The following NWD1 variants were observed in gnomAD, a reference collection of about 807,000 sequenced individuals.
NWD1 encodes NACHT and WD repeat domain containing 1.
NWD1 carries 129 observed loss-of-function variants against 135.1 expected under a neutral mutation model. That is an observed-to-expected ratio of 0.96 (90% CI 0.83 to 1.11). The LOEUF (loss-of-function observed/expected upper bound fraction) is 1.11, where lower values mean the gene tolerates loss of function less well. Ranked by LOEUF, NWD1 falls within the 50% of genes least tolerant of loss-of-function variation. NWD1 has a pLI of 0.00. For missense variants in NWD1, 1,740 were observed against 1,851.3 expected, an observed-to-expected ratio of 0.94 and a Z score of 1.10; for synonymous variants, 773 against 786.0, an observed-to-expected ratio of 0.98 and a Z score of 0.28.
intron 6 of NWD1, among the ~76,000 whole-genome samples, chr19:16,755,229 G>C (rs936921304): frequency 2.0e-5 from 3 of 150,286 alleles, no homozygotes; most frequent in Non-Finnish European, 4.4e-5. Flanking sequence ...CTCTTTTTTG[G>C]GGGGGGACAG....
chr19:16,781,022 G>T (rs1308509382), intron 12 of NWD1, among the ~76,000 whole-genome samples: 1 of 152,128 alleles, frequency 6.6e-6, no homozygotes, highest in Non-Finnish European at 1.5e-5. Context: ...GATCAGTAAG[G>T]GTAAAGAATT....
chr19:16,734,278 G>A (rs995864260), intron 3 of NWD1, among the ~76,000 whole-genome samples: 1 of 152,120 alleles, frequency 6.6e-6, no homozygotes, highest in Non-Finnish European at 1.5e-5. Context: ...TCAGGGCGAG[G>A]TGGCTCATGC....
intron 9 of NWD1, 85 bp downstream of exon 9, chr19:16,764,030 C>A: frequency 2.4e-6 from 2 of 829,026 alleles, no homozygotes; most frequent in Non-Finnish European, 2.0e-6. Context: ...GGGTGAAGGG[C>A]AAACATGGAA....
At chr19:16,809,287 T>C (rs1450252481) in intron 18 of NWD1, among the ~76,000 whole-genome samples, 1 of 151,972 alleles carries the variant, frequency 6.6e-6, no homozygotes, top group East Asian at 1.9e-4. Flanking sequence ...TTTTGCCATG[T>C]TGTCCAGGCT....
At chr19:16,764,049 T>C in intron 9 of NWD1, 104 bp downstream of exon 9, 1 of 718,672 alleles carries the variant, frequency 1.4e-6, no homozygotes, top group Non-Finnish European at 2.5e-6. Context: ...AAATCCTTCG[T>C]TCCTCCTAAG....
intron 8 of NWD1, among the ~76,000 whole-genome samples, chr19:16,762,783 C>T (rs1382201112): frequency 6.6e-6 from 1 of 150,558 alleles, no homozygotes; most frequent in Non-Finnish European, 1.5e-5. Context: ...CCCTCCCTCG[C>T]TTCCTTCCTT....
At chr19:16,784,932 CA>C (rs922809485) in intron 12 of NWD1, among the ~76,000 whole-genome samples, 219 of 135,438 alleles carry the variant, frequency 1.6e-3, no homozygotes, top group African/African-American at 4.6e-3. Flanking sequence ...ACTCCGTCTC[CA>C]AAAAAAAAAA....
intron 3 of NWD1, among the ~76,000 whole-genome samples, chr19:16,732,033 A>G (rs1339815593): frequency 6.6e-6 from 1 of 151,858 alleles, no homozygotes; most frequent in Admixed American, 6.6e-5. Flanking sequence ...CCTAGGCAAC[A>G]TGATGAAACT....
intron 17 of NWD1, among the ~76,000 whole-genome samples, chr19:16,802,722 C>T (rs896693364): frequency 8.5e-5 from 13 of 152,096 alleles, no homozygotes; most frequent in East Asian, 1.9e-4. Context: ...TACCTGAGGC[C>T]GGGCCTGCTG....
At chr19:16,764,968 C>A in intron 9 of NWD1, 66 bp from the exon 10 acceptor site, 1 of 1,541,348 alleles carries the variant, frequency 6.5e-7, no homozygotes, top group Non-Finnish European at 8.9e-7. Flanking sequence ...AGATGATTCT[C>A]CACCTCCCAG....
rs1568339424 is a variant in NWD1, at chr19:16,738,003, A to AAGAAAAGAAAAG, written c.198+1263_198+1264insAGAGAAAAGAAA. On this transcript the variant is annotated intron_variant, in intron 4 of 18. Coordinates refer to ENST00000524140, the MANE Select transcript of NWD1 (RefSeq NM_001007525.5). Reference sequence around the variant, plus strand: ...AAGAAAAGAAAAGAAAAGAAAAGAAAAGAAAAGAAATTCTAGAGCAGAGGC... The same window carrying AAGAAAAGAAAAG: ...AAGAAAAGAAAAGAAAAGAAAAGAAAAGAAAAGAAAAGAGAAAAGAAATTCTAGAGCAGAGGC... Among the ~76,000 whole-genome samples, 11 of 138,062 alleles carry AAGAAAAGAAAAG rather than the reference A, an allele frequency of 8.0e-5. 1 individual carries two copies. Among genetic ancestry groups the AAGAAAAGAAAAG allele is most frequent in the African/African-American group, 1.4e-4 (5 of 36,612 alleles). The allele number at this position is 138,062 out of a possible 152,430, so 90.6% of individuals were successfully genotyped here.
At chr19:16,734,428 C>T (rs920039184) in intron 3 of NWD1, among the ~76,000 whole-genome samples, 4 of 151,080 alleles carry the variant, frequency 2.6e-5, no homozygotes, top group Non-Finnish European at 4.4e-5. Context: ...CCAGCTACTC[C>T]GGAGGCTGAG....
At position 16,755,973 on chromosome 19, in the gene NWD1, T is replaced by A. The variant is rs1009516961; in HGVS notation, c.1770-3252T>A. Among the ~76,000 whole-genome samples the A allele has an allele frequency of 2.6e-5, 4 of 152,188 alleles. No homozygotes were observed. The East Asian group carries it at 7.7e-4, about 29-fold the overall frequency. ...AACTTAAATACTAATAGCCTACTGTTGACCAGAAGCCTTACCAGTAACATA... is the reference window on the plus strand; with the variant it reads ...AACTTAAATACTAATAGCCTACTGTAGACCAGAAGCCTTACCAGTAACATA... On this transcript the variant is annotated intron_variant, in intron 6 of 18. Transcript: ENST00000524140.
chr19:16,785,554 A>T (rs1325556369), intron 12 of NWD1, among the ~76,000 whole-genome samples: 10 of 149,922 alleles, frequency 6.7e-5, no homozygotes, highest in African/African-American at 2.3e-4. Flanking sequence ...AACAAAATTT[A>T]AAAAATTAAC....
intron 4 of NWD1, among the ~76,000 whole-genome samples, chr19:16,742,066 G>A (rs2122760306): frequency 6.6e-6 from 1 of 151,948 alleles, no homozygotes; most frequent in African/African-American, 2.4e-5. Flanking sequence ...GTGACAGAGT[G>A]AAACTGTGTC....
chr19:16,779,791 T>C (rs1969792391), intron 12 of NWD1, among the ~76,000 whole-genome samples: 1 of 151,572 alleles, frequency 6.6e-6, no homozygotes, highest in Non-Finnish European at 1.5e-5. Context: ...CACATACCAC[T>C]ATACCCAGCT....
intron 10 of NWD1, among the ~76,000 whole-genome samples, chr19:16,771,947 G>A (rs996355492): frequency 2.6e-5 from 4 of 151,016 alleles, no homozygotes; most frequent in Admixed American, 1.3e-4. Context: ...AGGCCTGCGC[G>A]CCACCATGCT....
chr19:16,750,555 A>G, intron 6 of NWD1, 144 bp downstream of exon 6: 2 of 590,382 alleles, frequency 3.4e-6, no homozygotes, highest in Admixed American at 7.3e-5. Context: ...CCCAGGCTCA[A>G]GTGATCCTCA....
In NWD1 at chr19:16,773,317, C is replaced by T. The variant is rs775155663; in HGVS notation, c.2602C>T (p.His868Tyr). The T allele has an allele frequency of 1.4e-5, 22 of 1,611,716 alleles. No homozygotes were observed. The highest frequency in any genetic ancestry group is 1.7e-5 in the Non-Finnish European group (20 of 1,179,630). Residue 868 changes from histidine to tyrosine, a missense_variant, in exon 11 of 19, where the codon CAC (histidine) becomes TAC (tyrosine). Coordinates refer to ENST00000524140, the MANE Select transcript of NWD1 (RefSeq NM_001007525.5). ...GPLRATLSGCHKGITAMAWGV... is the reference protein window; with the variant it reads ...GPLRATLSGCYKGITAMAWGV... ...CCTCCGGGCAACTCTCAGCGGCTGT[C>T]ACAAAGGTGAGTCTCCCCAGCATAG...
Sources: gnomAD v4.1 joint callset for allele counts (sites outside exome capture counted in the v4.1 genomes callset) on GRCh38, gnomAD v4.1.1 for gene constraint, MANE v1.5 for transcripts, NCBI Gene and HGNC (gene_info 2026-07-23, HGNC 2026-07-21) for gene names.